The following NAA15 variants were observed in gnomAD, a reference collection of about 807,000 sequenced individuals.
NAA15 encodes N-terminal acetyltransferase.
In NAA15, 34 loss-of-function variants were observed where a neutral mutation model predicts 114.0. The ratio of observed to expected loss-of-function variants is 0.30; its 90% CI spans 0.23 to 0.40. The LOEUF is 0.40. NAA15 is among the 10% of genes least tolerant of loss of function. The probability of loss-of-function intolerance (pLI) is 1.00; values close to 1 mark genes in which losing one functional copy is unlikely to be tolerated. For synonymous variants in NAA15, 340 were observed against 338.0 expected (o/e 1.01, Z -0.06); for missense variants, 658 against 1,004.5 (o/e 0.66, Z 4.66).
chr4:139,350,952 T>C (rs1185893248), intron 7 of NAA15, among the ~76,000 whole-genome samples: 1 of 152,168 alleles, frequency 6.6e-6, no homozygotes, highest in African/African-American at 2.4e-5. Context: ...AAAGAAGTTC[T>C]CAGGTTTTAA....
At chr4:139,380,268 G>C (rs538765230) in intron 17 of NAA15, among the ~76,000 whole-genome samples, 1 of 146,872 alleles carries the variant, frequency 6.8e-6, no homozygotes, top group Middle Eastern at 3.3e-3. Context: ...TGGGGGGGGG[G>C]AGTATGAAAA....
In NAA15 at chr4:139,370,321, A is replaced by G. The variant is rs1386790098; in HGVS notation, c.1864A>G (p.Arg622Gly). ...KKNAEKEKQQRNQKKKKDDDD... is the reference protein window; with the variant it reads ...KKNAEKEKQQGNQKKKKDDDD... Reference sequence around the variant, plus strand: ...AAATGCAGAAAAAGAAAAGCAGCAGAGAAATCAGAAAAAGAAGAAGGATGA... The same window carrying G: ...AAATGCAGAAAAAGAAAAGCAGCAGGGAAATCAGAAAAAGAAGAAGGATGA... Residue 622 changes from arginine (R) to glycine (G), a missense_variant, in exon 15 of 20, where the codon AGA becomes GGA. This residue lies in a region of NAA15 where 275 missense variants were observed against 371.1 expected (regional missense o/e 0.74). Transcript: ENST00000296543. The G allele has an allele frequency of 6.3e-7, 1 of 1,599,412 alleles. No individual in the cohort carries two copies.
chr4:139,330,284 T>G (rs911961730), intron 1 of NAA15, among the ~76,000 whole-genome samples: 1 of 152,228 alleles, frequency 6.6e-6, no homozygotes, highest in African/African-American at 2.4e-5. Flanking sequence ...TTTCTTATTA[T>G]AAGAAAAACA....
At chr4:139,324,595 G>GT (rs1746728042) in intron 1 of NAA15, among the ~76,000 whole-genome samples, 1 of 152,136 alleles carries the variant, frequency 6.6e-6, no homozygotes, top group African/African-American at 2.4e-5. Context: ...GTAGTATTTT[G>GT]CATTTCACTT....
At chr4:139,345,236 C>G (rs556999556) in intron 6 of NAA15, among the ~76,000 whole-genome samples, 1 of 152,304 alleles carries the variant, frequency 6.6e-6, no homozygotes, top group African/African-American at 2.4e-5. Context: ...GGAGGGAGCT[C>G]TCTTGTGAAC....
chr4:139,376,552 T>C (rs1481854131), intron 16 of NAA15, 79 bp downstream of exon 16: 1 of 854,992 alleles, frequency 1.2e-6, no homozygotes, highest in East Asian at 2.4e-5. Context: ...TCTGATAGCC[T>C]TACCACTGTA....
At chr4:139,339,446 A>C (rs555200781) in intron 3 of NAA15, among the ~76,000 whole-genome samples, 38 of 152,296 alleles carry the variant, frequency 2.5e-4, no homozygotes, top group Admixed American at 2.1e-3. Flanking sequence ...ACAGTGAGCT[A>C]TGAGTGTGCC....
intron 1 of NAA15, 101 bp downstream of exon 1, chr4:139,301,932 G>C (rs1745777152): frequency 3.9e-6 from 5 of 1,297,256 alleles, no homozygotes; most frequent in Non-Finnish European, 4.3e-6. Context: ...ACTCCCGCCC[G>C]GGACCCCGCC....
rs1434262956 is a variant in NAA15 at position 139,387,832 on chromosome 4, A to G, written c.2401-52A>G. 1.9e-5 allele frequency: 27 copies of G among 1,426,660 alleles called. 1 individual carries two copies. The highest frequency in any genetic ancestry group is 2.6e-5 in the Non-Finnish European group (27 of 1,028,720). 88.4% of individuals were successfully genotyped at this position (1,426,660 alleles called of 1,614,324 possible). ...CTGTTGAAATGTCTAATAAATTCCC[A>G]GTAAGAACCTTTTTTTGACCAGTTA... On this transcript the variant is annotated intron_variant, in intron 19 of 19. Coordinates refer to ENST00000296543, the MANE Select transcript of NAA15 (RefSeq NM_057175.5).
chr4:139,356,361 C>G (rs1747949113), intron 10 of NAA15: 1 of 152,158 alleles, frequency 6.6e-6, no homozygotes, highest in Non-Finnish European at 1.5e-5. Flanking sequence ...AGTGGGAAAG[C>G]CCGGTATGGG....
chr4:139,379,520 C>T (rs1339176118), intron 17 of NAA15, among the ~76,000 whole-genome samples: 1 of 152,142 alleles, frequency 6.6e-6, no homozygotes, highest in Non-Finnish European at 1.5e-5. Context: ...TCATATTGTT[C>T]TTTCTACTGT....
At chr4:139,334,301 C>G (rs1747124932) in intron 2 of NAA15, 43 bp downstream of exon 2, 2 of 1,285,820 alleles carry the variant, frequency 1.6e-6, no homozygotes, top group Admixed American at 4.6e-5. Context: ...CCTGTCTGGC[C>G]TCTCTTACTG....
At chr4:139,332,406 G>C (rs928569388) in intron 1 of NAA15, among the ~76,000 whole-genome samples, 8 of 151,698 alleles carry the variant, frequency 5.3e-5, no homozygotes, top group African/African-American at 1.9e-4. Context: ...TGGGATTACA[G>C]ATGTGAGCCA....
intron 17 of NAA15, among the ~76,000 whole-genome samples, chr4:139,382,429 AAAG>A (rs1253645115): frequency 6.6e-6 from 1 of 152,132 alleles, no homozygotes; most frequent in African/African-American, 2.4e-5. Context: ...CAAGTTAAAA[AAAG>A]ATAATGAAAA....
intron 15 of NAA15, among the ~76,000 whole-genome samples, chr4:139,374,375 A>C (rs1245702878): frequency 3.3e-5 from 5 of 152,180 alleles, no homozygotes; most frequent in African/African-American, 1.2e-4. Context: ...AATTCTATCC[A>C]GTATTTCCCT....
rs149005291 is a variant in NAA15 at position 139,365,085 on chromosome 4, T to C, written c.1753+3148T>C. Among the ~76,000 whole-genome samples the C allele has an allele frequency of 7.4e-3, 1,124 of 152,324 alleles. 14 individuals are homozygous for C. The highest frequency in any genetic ancestry group is 0.025 in the African/African-American group (1,036 of 41,566). Reference sequence around the variant, plus strand: ...GGAGTTTCGCTCTTTTCACCCAGGCTGGTGTGCAATGGTACAATCTTGGCT... The same window carrying C: ...GGAGTTTCGCTCTTTTCACCCAGGCCGGTGTGCAATGGTACAATCTTGGCT... On this transcript the variant is annotated intron_variant, in intron 14 of 19. Coordinates refer to ENST00000296543, the MANE Select transcript of NAA15 (RefSeq NM_057175.5).
chr4:139,343,981 G>T (rs1026526936), intron 5 of NAA15, among the ~76,000 whole-genome samples: 1 of 151,808 alleles, frequency 6.6e-6, no homozygotes, highest in African/African-American at 2.4e-5. Flanking sequence ...AAGGACTTAT[G>T]GATTATTATT....
chr4:139,384,833 A>G lies in NAA15; in HGVS notation c.2157A>G (p.Ala719=). The part of the protein sequence containing the change: ...HECMIRLFNT[A]VCESKDLSDT... ...AGATTTTATTTTTAATTTATTCAGC[A>G]GTGTGTGAAAGTAAAGATTTATCTG... is the stretch of plus-strand genomic sequence containing the variant. Residue 719 remains alanine (A), a splice_region_variant and synonymous_variant, in exon 18 of 20, where the codon GCA becomes GCG. Transcript: ENST00000296543. 1.4e-6 allele frequency: 2 copies of G among 1,421,770 alleles called. No homozygotes were observed. The highest frequency in any genetic ancestry group is 1.9e-6 in the Non-Finnish European group (2 of 1,067,628). The allele number at this position is 1,421,770 out of a possible 1,614,324, so 88.1% of individuals were successfully genotyped here.
intron 1 of NAA15, among the ~76,000 whole-genome samples, chr4:139,307,353 C>T (rs1051746325): frequency 6.6e-6 from 1 of 152,232 alleles, no homozygotes; most frequent in Non-Finnish European, 1.5e-5. Context: ...ACTGCAGCCT[C>T]CACCTCCCGG....
Sources: gnomAD v4.1 joint callset for allele counts (sites outside exome capture counted in the v4.1 genomes callset) on GRCh38, gnomAD v4.1.1 for gene constraint, gnomAD v4.1.1 regional missense constraint, MANE v1.5 for transcripts, NCBI Gene and HGNC (gene_info 2026-07-23, HGNC 2026-07-21) for gene names.